Variants in NDST4 observed in about 807,000 individuals in gnomAD.
NDST4 encodes the protein N-heparan sulfate sulfotransferase 4.
A neutral mutation model predicts 100.8 loss-of-function variants in NDST4; 63 were observed. That is an observed-to-expected ratio of 0.62 (90% confidence interval 0.51 to 0.77). The LOEUF (loss-of-function observed/expected upper bound fraction) is 0.77, where lower values mean the gene tolerates loss of function less well. Ranked by LOEUF, NDST4 falls within the 30% of genes least tolerant of loss-of-function variation. The pLI is 0.00. For synonymous variants in NDST4, 377 were observed against 361.8 expected, an observed-to-expected ratio of 1.04 and a Z score of -0.48; for missense variants, 943 against 1,018.4, an observed-to-expected ratio of 0.93 and a Z score of 1.01.
intron 3 of NDST4, among the ~76,000 whole-genome samples, chr4:114,970,972 T>C (rs974627198): frequency 6.6e-6 from 1 of 152,242 alleles, no homozygotes; most frequent in East Asian, 1.9e-4. Flanking sequence ...TTTTTTCTGA[T>C]TACATAAATA....
intron 12 of NDST4, among the ~76,000 whole-genome samples, chr4:114,831,588 T>C (rs1723202678): frequency 6.6e-6 from 1 of 152,170 alleles, no homozygotes; most frequent in South Asian, 2.1e-4. Flanking sequence ...AGCATCTCCT[T>C]TGCTCTCAGG....
intron 1 of NDST4, 115 bp downstream of exon 1, chr4:115,113,329 T>C (rs935210647): frequency 4.6e-5 from 7 of 151,988 alleles, no homozygotes; most frequent in African/African-American, 1.7e-4. Context: ...TATCTGCTTC[T>C]ACATAAATCT....
At position 115,077,007 on chromosome 4, in the gene NDST4, ACTT is replaced by A. The variant is rs749568469; in HGVS notation, c.27_29del (p.Arg9del). 4.4e-6 allele frequency: 7 copies of A among 1,603,388 alleles called. No homozygotes were observed. The East Asian group carries it at 6.7e-5, about 15-fold the overall frequency. Reference sequence around the variant, plus strand: ...CTAAGAGAACAATCAATGTTCGAAAACTTCTCCGAAGTTTCACAATAAGATTCA... The same window carrying A: ...CTAAGAGAACAATCAATGTTCGAAAACTCCGAAGTTTCACAATAAGATTCA... On this transcript the variant is annotated inframe_deletion, in exon 2 of 14. Transcript: ENST00000264363.
intron 1 of NDST4, among the ~76,000 whole-genome samples, chr4:115,101,036 T>C (rs1729719680): frequency 6.6e-6 from 1 of 151,936 alleles, no homozygotes; most frequent in Admixed American, 6.6e-5. Context: ...TGATTGGATG[T>C]AGAGGAAAAA....
intron 3 of NDST4, 87 bp downstream of exon 3, chr4:114,977,100 G>T (rs1053113930): frequency 1.1e-5 from 9 of 793,966 alleles, no homozygotes; most frequent in African/African-American, 1.1e-4. Flanking sequence ...AATCAATCTG[G>T]AGAATCTATC....
chr4:114,874,408 T>A (rs1452932776), intron 6 of NDST4, among the ~76,000 whole-genome samples: 3 of 152,172 alleles, frequency 2.0e-5, no homozygotes, highest in African/African-American at 7.2e-5. Flanking sequence ...TATGTGGTTC[T>A]AAGCTGAGGC....
At chr4:114,980,599 G>T in intron 2 of NDST4, among the ~76,000 whole-genome samples, 1 of 152,132 alleles carries the variant, frequency 6.6e-6, no homozygotes, top group South Asian at 2.1e-4. Context: ...CTGAGATTGC[G>T]CAATGGCACT....
intron 2 of NDST4, among the ~76,000 whole-genome samples, chr4:115,054,656 G>T (rs1420501493): frequency 2.0e-5 from 3 of 152,128 alleles, no homozygotes; most frequent in Non-Finnish European, 4.4e-5. Flanking sequence ...ATTTCAATGG[G>T]GGTGTATGCA....
At chr4:114,850,292 C>T (rs1482075985) in intron 8 of NDST4, among the ~76,000 whole-genome samples, 1 of 152,026 alleles carries the variant, frequency 6.6e-6, no homozygotes. Context: ...ATAATCGTAC[C>T]CCGATCTCCC....
intron 2 of NDST4, among the ~76,000 whole-genome samples, chr4:115,072,653 A>G (rs2126288218): frequency 6.6e-6 from 1 of 152,160 alleles, no homozygotes; most frequent in South Asian, 2.1e-4. Context: ...GCATGAAATT[A>G]GAGCCTCATC....
intron 2 of NDST4, among the ~76,000 whole-genome samples, chr4:115,019,151 C>T (rs1727752665): frequency 6.6e-6 from 1 of 151,980 alleles, no homozygotes; most frequent in Non-Finnish European, 1.5e-5. Context: ...TTGGCTTTTA[C>T]TTAATGTGTT....
intron 2 of NDST4, among the ~76,000 whole-genome samples, chr4:115,068,035 T>A (rs886202993): frequency 1.3e-5 from 2 of 151,884 alleles, no homozygotes; most frequent in African/African-American, 4.8e-5. Flanking sequence ...AGAATGATGG[T>A]TTCCAGCTTC....
chr4:114,989,400 C>A (rs988620510), intron 2 of NDST4, among the ~76,000 whole-genome samples: 51 of 152,230 alleles, frequency 3.4e-4, no homozygotes, highest in African/African-American at 1.2e-3. Context: ...GCCATGCTTA[C>A]CTATTCAAGA....
At chr4:115,049,922 G>A (rs1436698093) in intron 2 of NDST4, among the ~76,000 whole-genome samples, 1 of 152,156 alleles carries the variant, frequency 6.6e-6, no homozygotes, top group East Asian at 1.9e-4. Flanking sequence ...TTAAGCCTTA[G>A]TTCATTACCC....
rs1388008120 is a variant in NDST4 at position 115,096,789 on chromosome 4, T to C, written c.-247+16655A>G. Among the ~76,000 whole-genome samples, 7 of 152,274 alleles carry C rather than the reference T, an allele frequency of 4.6e-5. No homozygotes were observed. The East Asian group carries it at 7.7e-4, about 17-fold the overall frequency. On this transcript the variant is annotated intron_variant, in intron 1 of 13. Coordinates refer to ENST00000264363, the MANE Select transcript of NDST4 (RefSeq NM_022569.3). ...ACAATCTATCGCTATATTTTGTTCC[T>C]GTCTACAGCAAAACTGTTTGAAATG...
intron 2 of NDST4, among the ~76,000 whole-genome samples, chr4:115,055,297 A>G (rs531594): frequency 0.2 from 31,135 of 151,914 alleles, 4,022 homozygotes; most frequent in East Asian, 0.46. Context: ...ATAGAAATGA[A>G]GTGCACAATA....
intron 2 of NDST4, among the ~76,000 whole-genome samples, chr4:115,030,192 G>A (rs1399476735): frequency 1.3e-5 from 2 of 152,094 alleles, no homozygotes; most frequent in Non-Finnish European, 2.9e-5. Context: ...AAATATATTA[G>A]GTTTGTGAAA....
At chr4:114,874,155 G>T (rs1724208689) in intron 6 of NDST4, among the ~76,000 whole-genome samples, 1 of 152,058 alleles carries the variant, frequency 6.6e-6, no homozygotes, top group Admixed American at 6.6e-5. Context: ...TGACAAAATT[G>T]TAAGTAAGAA....
intron 2 of NDST4, among the ~76,000 whole-genome samples, chr4:115,057,739 C>G (rs201960542): frequency 1.6e-3 from 161 of 98,154 alleles, no homozygotes; most frequent in African/African-American, 8.8e-3. Flanking sequence ...CACACAGACA[C>G]ACACACACAC....
Sources: allele counts gnomAD v4.1 joint callset (sites outside exome capture counted in the v4.1 genomes callset), GRCh38; gene constraint gnomAD v4.1.1; transcripts MANE v1.5; gene names NCBI Gene and HGNC (gene_info 2026-07-23, HGNC 2026-07-21).